The following KANK4 variants were observed in gnomAD, a reference collection of about 807,000 sequenced individuals.
KANK4 encodes the protein KN motif and ankyrin repeat domains 4.
Under a neutral mutation model 80.8 loss-of-function variants are expected in KANK4, and 50 were observed. The observed-to-expected ratio is 0.62, with a 90% confidence interval of 0.49 to 0.78. The LOEUF (loss-of-function observed/expected upper bound fraction) is 0.78, where lower values mean the gene tolerates loss of function less well. KANK4 is among the 30% of genes least tolerant of loss of function. KANK4 has a pLI of 0.00. For missense variants in KANK4, 1,196 were observed against 1,240.1 expected, an observed-to-expected ratio of 0.96 and a Z score of 0.53; for synonymous variants, 465 against 506.9, an observed-to-expected ratio of 0.92 and a Z score of 1.11.
At chr1:62,304,654 C>T (rs1415187403) in intron 1 of KANK4, among the ~76,000 whole-genome samples, 1 of 152,134 alleles carries the variant, frequency 6.6e-6, no homozygotes, top group African/African-American at 2.4e-5. Context: ...AGCCCAACAA[C>T]CTCATGCATT....
At chr1:62,304,629 CT>C (rs1454640934) in intron 1 of KANK4, among the ~76,000 whole-genome samples, 1 of 152,156 alleles carries the variant, frequency 6.6e-6, no homozygotes, top group Non-Finnish European at 1.5e-5. Flanking sequence ...TCCCACCAGT[CT>C]CTTTAGGACA....
Position 62,247,692 on chromosome 1 carries a change from G to T in KANK4, c.2683-20C>A, listed in dbSNP as rs1348913642. ...GCCTCCCTGCATGCAGAGCCACAGG[G>T]ATGTGGTGAGGTTGCTGCCAGTGGG... On this transcript the variant is annotated intron_variant, in intron 8 of 9. Transcript: ENST00000371153. The T allele has an allele frequency of 1.2e-6, 2 of 1,610,540 alleles. No homozygotes were observed. Among genetic ancestry groups the T allele is most frequent in the African/African-American group, 1.3e-5 (1 of 74,868 alleles).
chr1:62,313,911 C>G (rs1055400455), intron 1 of KANK4, among the ~76,000 whole-genome samples: 1 of 152,152 alleles, frequency 6.6e-6, no homozygotes, highest in African/African-American at 2.4e-5. Flanking sequence ...ATGCCCTCCC[C>G]ATTCATACTC....
At chr1:62,302,876 GA>G (rs1260963370) in intron 1 of KANK4, among the ~76,000 whole-genome samples, 1 of 152,154 alleles carries the variant, frequency 6.6e-6, no homozygotes, top group East Asian at 1.9e-4. Context: ...TCTGAGATTT[GA>G]AGCCAAAAGC....
intron 1 of KANK4, among the ~76,000 whole-genome samples, chr1:62,303,303 A>G (rs1438467106): frequency 6.6e-6 from 1 of 151,974 alleles, no homozygotes; most frequent in Non-Finnish European, 1.5e-5. Context: ...GACAAAAGTC[A>G]AAGGAGTTGA....
At chr1:62,288,284 T>C (rs529124258) in intron 1 of KANK4, among the ~76,000 whole-genome samples, 3 of 152,202 alleles carry the variant, frequency 2.0e-5, no homozygotes, top group Non-Finnish European at 4.4e-5. Context: ...AGGTCCCTTC[T>C]GCCCCATGAT....
Position 62,284,840 on chromosome 1 carries a change from G to A in KANK4, c.-70-3206C>T, listed in dbSNP as rs191843447. Reference sequence around the variant, plus strand: ...GCTCTTCTCCCCTACTAATCTGTAAGCTTGTGAAGGTCAGAATTATTGCAA... The same window carrying A: ...GCTCTTCTCCCCTACTAATCTGTAAACTTGTGAAGGTCAGAATTATTGCAA... On this transcript the variant is annotated intron_variant, in intron 1 of 9. Transcript: ENST00000371153. Among the ~76,000 whole-genome samples, 191 of 152,252 alleles carry A rather than the reference G, an allele frequency of 1.3e-3. 1 individual carries two copies. Among genetic ancestry groups the A allele is most frequent in the African/African-American group, 4.5e-3 (187 of 41,534 alleles).
chr1:62,289,888 C>T (rs1414440975), intron 1 of KANK4, among the ~76,000 whole-genome samples: 4 of 152,072 alleles, frequency 2.6e-5, no homozygotes. Context: ...GCTGAAATGC[C>T]AGCTTTGCCA....
chr1:62,239,839 T>C (rs931029517), intron 9 of KANK4, among the ~76,000 whole-genome samples: 7 of 152,260 alleles, frequency 4.6e-5, no homozygotes, highest in African/African-American at 9.6e-5. Context: ...ACAAAGGACA[T>C]GAACTCATCC....
intron 9 of KANK4, 61 bp downstream of exon 9, chr1:62,247,411 G>T: frequency 1.3e-6 from 2 of 1,489,072 alleles, no homozygotes; most frequent in South Asian, 1.1e-5. Context: ...AAGTGCTGGG[G>T]TTACAGGTAT....
At chr1:62,281,159 G>C (rs1557495381) in intron 2 of KANK4, among the ~76,000 whole-genome samples, 1 of 152,190 alleles carries the variant, frequency 6.6e-6, no homozygotes, top group South Asian at 2.1e-4. Flanking sequence ...ACCCAGAAAA[G>C]ATCATCCATG....
At chr1:62,250,549 G>C (rs34596884) in intron 8 of KANK4, among the ~76,000 whole-genome samples, 1,939 of 152,234 alleles carry the variant, frequency 0.013, 21 homozygotes, top group South Asian at 0.019. Context: ...GAAGGCCCAG[G>C]GGGAGCTAAA....
chr1:62,270,921 C>T (rs748848443), intron 4 of KANK4, among the ~76,000 whole-genome samples: 7 of 152,154 alleles, frequency 4.6e-5, no homozygotes, highest in African/African-American at 9.7e-5. Context: ...TTAATCTCCA[C>T]GACCGAGCAC....
chr1:62,242,416 G>T (rs1671366831), intron 9 of KANK4, among the ~76,000 whole-genome samples: 1 of 149,300 alleles, frequency 6.7e-6, no homozygotes, highest in Non-Finnish European at 1.5e-5. Flanking sequence ...AAGGGTGCAG[G>T]CAGCTGGCAC....
chr1:62,307,761 T>C (rs1557510373), intron 1 of KANK4, among the ~76,000 whole-genome samples: 1 of 151,562 alleles, frequency 6.6e-6, no homozygotes, highest in African/African-American at 2.4e-5. Flanking sequence ...AGACCTGATT[T>C]TTTTTTTTTT....
chr1:62,288,016 G>A (rs17123348), intron 1 of KANK4, among the ~76,000 whole-genome samples: 9,045 of 152,210 alleles, frequency 0.059, 672 homozygotes, highest in African/African-American at 0.18. Flanking sequence ...ACTGGCTAGA[G>A]AACAGCTGGA....
intron 4 of KANK4, among the ~76,000 whole-genome samples, chr1:62,269,396 G>A (rs1672106195): frequency 6.6e-6 from 1 of 152,170 alleles, no homozygotes; most frequent in South Asian, 2.1e-4. Flanking sequence ...TTCTCTGAAT[G>A]GTGGCCTCTA....
At chr1:62,312,520 A>G (rs1644505653) in intron 1 of KANK4, among the ~76,000 whole-genome samples, 1 of 152,202 alleles carries the variant, frequency 6.6e-6, no homozygotes, top group South Asian at 2.1e-4. Flanking sequence ...TACTGGGCAC[A>G]TTTCTGAGTT....
At chr1:62,250,666 T>A (rs1671593095) in intron 8 of KANK4, among the ~76,000 whole-genome samples, 1 of 152,004 alleles carries the variant, frequency 6.6e-6, no homozygotes, top group South Asian at 2.1e-4. Flanking sequence ...AGGGGTTGAT[T>A]TTGATCCTCT....
Sources: gnomAD v4.1 joint callset for allele counts (sites outside exome capture counted in the v4.1 genomes callset) on GRCh38, gnomAD v4.1.1 for gene constraint, MANE v1.5 for transcripts, NCBI Gene and HGNC (gene_info 2026-07-23, HGNC 2026-07-21) for gene names.